OTC: variants seen among roughly 807,000 people sequenced by gnomAD.
OTC encodes ornithine transcarbamylase, mitochondrial.
In OTC, 3 loss-of-function variants were observed where a neutral mutation model predicts 30.3. The ratio of observed to expected loss-of-function variants is 0.10; its 90% CI spans 0.05 to 0.26. The LOEUF (loss-of-function observed/expected upper bound fraction) is 0.26. Ranked by LOEUF, OTC falls within the 10% of genes least tolerant of loss-of-function variation. The pLI, the probability that OTC is intolerant of heterozygous loss-of-function variation, is 1.00. For synonymous variants in OTC, 111 were observed against 99.7 expected, an observed-to-expected ratio of 1.11 and a Z score of -0.67; for missense variants, 194 against 260.3, an observed-to-expected ratio of 0.75 and a Z score of 1.75.
chrX:38,395,382 A>G (rs777658079), intron 4 of OTC: 2 of 113,200 alleles, frequency 1.8e-5, no homozygotes, highest in African/African-American at 6.5e-5. Context: ...GTAACTTTGT[A>G]TGGAAAGGCA....
At chrX:38,408,840 A>G (rs28396813) in intron 7 of OTC, 36 bp from the exon 8 acceptor site, 13 of 1,207,780 alleles carry the variant, frequency 1.1e-5, no homozygotes, top group African/African-American at 1.8e-5. Flanking sequence ...TTACTGTCCC[A>G]TGAAGTTATT....
rs370475845 is a variant in OTC, at chrX:38,408,866, T to C, written c.718-10T>C. On this transcript the variant is annotated splice_polypyrimidine_tract_variant and intron_variant, in intron 7 of 9. Transcript: ENST00000039007. ...TGAAGTTATTTAACCAGCGTGTTTA[T>C]GTATGCTAGAATGGTACCAAGCTGT... is the stretch of plus-strand genomic sequence containing the variant. 8.3e-7 allele frequency: 1 copy of C among 1,210,995 alleles called. No homozygotes were observed. Among genetic ancestry groups the C allele is most frequent in the African/African-American group, 1.7e-5 (1 of 57,722 alleles).
intron 1 of OTC, among the ~76,000 whole-genome samples, chrX:38,358,193 T>C (rs1449530807): frequency 9.0e-6 from 1 of 110,878 alleles, no homozygotes; most frequent in Non-Finnish European, 1.9e-5. Context: ...TAGCCATTGA[T>C]GCCAGCAGTC....
chrX:38,332,504 T>TTATATATATATATATATATATATA, the OTC span, among the ~76,000 whole-genome samples: 30 of 39,336 alleles, frequency 7.6e-4, no homozygotes, highest in South Asian at 2.2e-3. Flanking sequence ...GCCCTAGATT[T>TTATATATATATATATATATATATA]TATATATATA....
At chrX:38,364,791 C>CAAAA (rs59159746) in intron 1 of OTC, among the ~76,000 whole-genome samples, 1 of 99,195 alleles carries the variant, frequency 1.0e-5, no homozygotes, top group Non-Finnish European at 2.0e-5. Context: ...GACTCCATCT[C>CAAAA]AAAAAAAAAA....
chrX:38,348,630 G>A (rs773622857), upstream of OTC, among the ~76,000 whole-genome samples: 5 of 104,510 alleles, frequency 4.8e-5, no homozygotes, highest in Admixed American at 5.3e-4. Context: ...TCCGCCTCCT[G>A]GGTTCACGCC....
chrX:38,364,621 G>A (rs1360462186), intron 1 of OTC, among the ~76,000 whole-genome samples: 9 of 109,916 alleles, frequency 8.2e-5, no homozygotes, highest in African/African-American at 2.7e-4. Flanking sequence ...ATGAAACCCC[G>A]TCTCTACTAA....
At chrX:38,410,630 G>A (rs1202920539) in intron 8 of OTC, among the ~76,000 whole-genome samples, 5 of 110,841 alleles carry the variant, frequency 4.5e-5, no homozygotes, top group Non-Finnish European at 7.6e-5. Flanking sequence ...TTGGTTATAG[G>A]AGCTCTTTAT....
At chrX:38,411,501 A>C (rs1346420122) in intron 8 of OTC, among the ~76,000 whole-genome samples, 1 of 110,128 alleles carries the variant, frequency 9.1e-6, no homozygotes, top group African/African-American at 3.3e-5. Flanking sequence ...TCCCGTCTCT[A>C]CTAAAAATAC....
chrX:38,398,485 G>A (rs1032597379), intron 4 of OTC, among the ~76,000 whole-genome samples: 5 of 111,801 alleles, frequency 4.5e-5, no homozygotes, highest in African/African-American at 1.6e-4. Context: ...ATTCCAGAAG[G>A]TCAACTGCAG....
intron 2 of OTC, among the ~76,000 whole-genome samples, chrX:38,368,636 C>T (rs901185110): frequency 9.6e-6 from 1 of 104,622 alleles, no homozygotes; most frequent in Non-Finnish European, 1.9e-5. Context: ...ATTGTGAAAG[C>T]ATTTTTGTAT....
intron 3 of OTC, among the ~76,000 whole-genome samples, chrX:38,380,464 T>A (rs760143496): frequency 8.9e-6 from 1 of 112,340 alleles, no homozygotes; most frequent in South Asian, 3.7e-4. Flanking sequence ...ATTCTGAGCA[T>A]TAAACCAGTC....
intron 4 of OTC, among the ~76,000 whole-genome samples, chrX:38,386,921 G>A (rs1351987091): frequency 1.8e-5 from 2 of 112,287 alleles, no homozygotes; most frequent in Non-Finnish European, 3.8e-5. Context: ...CACCAATGGT[G>A]TGGAAGAATT....
intron 4 of OTC, chrX:38,395,443 C>T (rs1410929052): frequency 1.7e-5 from 2 of 116,257 alleles, no homozygotes; most frequent in Admixed American, 9.4e-5. Flanking sequence ...TTTCCAGAGT[C>T]CTGGGAGCCA....
chrX:38,396,282 A>G (rs73196234), intron 4 of OTC, among the ~76,000 whole-genome samples: 18,098 of 110,369 alleles, frequency 0.16, 1,358 homozygotes, highest in Non-Finnish European at 0.23. Flanking sequence ...ATTTTTAAAG[A>G]AATTTAGAAG....
chrX:38,363,992 G>A (rs1434867347), intron 1 of OTC, among the ~76,000 whole-genome samples: 1 of 110,131 alleles, frequency 9.1e-6, no homozygotes, highest in African/African-American at 3.3e-5. Context: ...TGGGCGTGGT[G>A]GCACATGCCT....
intron 1 of OTC, among the ~76,000 whole-genome samples, chrX:38,354,314 G>A (rs1386952018): frequency 9.0e-6 from 1 of 111,663 alleles, no homozygotes; most frequent in Non-Finnish European, 1.9e-5. Context: ...ATTTATTTTA[G>A]TATTCCATTA....
At chrX:38,332,638 G>A in the OTC span, among the ~76,000 whole-genome samples, 2,446 of 106,158 alleles carry the variant, frequency 0.023, 79 homozygotes, top group African/African-American at 0.08. Context: ...GCACTCAACA[G>A]TGTTAGCTAT....
rs2068530106 is a variant in OTC, at chrX:38,408,972, G to A, written c.814G>A (p.Glu272Lys). Reference protein sequence around the residue: ...TDTWISMGQEEEKKKRLQAFQ... With the variant: ...TDTWISMGQEKEKKKRLQAFQ... ...CACTTGGATAAGCATGGGACAAGAA[G>A]AGGAGAAGAAAAAGCGGCTCCAGGC... The change falls in exon 8 of 10, where the codon GAG becomes AAG. Residue 272 changes from glutamate (E) to lysine (K), a missense_variant. By Grantham distance (56) the Glu-to-Lys change is moderately conservative. Transcript: ENST00000039007. The A allele has an allele frequency of 1.7e-6, 2 of 1,209,213 alleles. No individual in the cohort carries two copies. The highest frequency in any genetic ancestry group is 2.2e-6 in the Non-Finnish European group (2 of 893,825).
Sources: allele counts gnomAD v4.1 joint callset (sites outside exome capture counted in the v4.1 genomes callset), GRCh38; gene constraint gnomAD v4.1.1; transcripts MANE v1.5; gene names NCBI Gene and HGNC (gene_info 2026-07-23, HGNC 2026-07-21).